Variants in RGS7BP observed in about 807,000 individuals in gnomAD.
RGS7BP encodes regulator of G protein signaling 7-binding protein.
RGS7BP carries 9 observed loss-of-function variants against 31.3 expected under a neutral mutation model. The ratio of observed to expected loss-of-function variants is 0.29; its 90% CI spans 0.17 to 0.50. The LOEUF (loss-of-function observed/expected upper bound fraction) is 0.50, where lower values mean the gene tolerates loss of function less well. Ranked by LOEUF, RGS7BP falls within the 20% of genes least tolerant of loss-of-function variation. RGS7BP has a pLI of 0.98. For missense variants in RGS7BP, 274 were observed against 322.0 expected, an observed-to-expected ratio of 0.85 and a Z score of 1.14; for synonymous variants, 115 against 120.1, an observed-to-expected ratio of 0.96 and a Z score of 0.28.
intron 2 of RGS7BP, among the ~76,000 whole-genome samples, chr5:64,560,630 GA>G (rs1742031716): frequency 6.6e-6 from 1 of 151,706 alleles, no homozygotes; most frequent in African/African-American, 2.4e-5. Flanking sequence ...AGAAATGCAT[GA>G]TATACAAAAT....
Position 64,522,415 on chromosome 5 carries a change from A to G in RGS7BP, c.332+14538A>G, listed in dbSNP as rs540616915. ...ACCAGAACATGATTCAGCCCTCACT[A>G]AAGACTCTCTATATAGGGAAGAACA... On this transcript the variant is annotated intron_variant, in intron 2 of 5. Transcript: ENST00000334025. Among the ~76,000 whole-genome samples, 39 of 152,292 alleles carry G rather than the reference A, an allele frequency of 2.6e-4. No homozygotes were observed. The South Asian group carries it at 7.7e-3, about 30-fold the overall frequency.
At chr5:64,604,830 T>A (rs1040093941) in intron 5 of RGS7BP, among the ~76,000 whole-genome samples, 2 of 151,834 alleles carry the variant, frequency 1.3e-5, no homozygotes, top group Non-Finnish European at 2.9e-5. Context: ...AATAGAGAAG[T>A]GGTTTGGGGG....
At chr5:64,555,058 A>C (rs554301414) in intron 2 of RGS7BP, among the ~76,000 whole-genome samples, 3 of 152,264 alleles carry the variant, frequency 2.0e-5, no homozygotes, top group African/African-American at 4.8e-5. Context: ...GAATGAGAAG[A>C]TCCAACATAT....
In RGS7BP at chr5:64,585,423, A is replaced by C. The variant is rs1580455544; in HGVS notation, c.464-9287A>C. 2.0e-5 allele frequency among the ~76,000 whole-genome samples: 3 copies of C among 152,148 alleles called. No homozygotes were observed. The South Asian group carries it at 6.2e-4, about 32-fold the overall frequency. ...CACTGGCAAGCTGAAGACAGGCAGG[A>C]AAGCAAGAAGGAATGGAAGGGGCAA... On this transcript the variant is annotated intron_variant, in intron 3 of 5. Transcript: ENST00000334025.
intron 2 of RGS7BP, among the ~76,000 whole-genome samples, chr5:64,526,128 C>T (rs1039633390): frequency 2.0e-5 from 3 of 152,132 alleles, no homozygotes; most frequent in Admixed American, 6.5e-5. Context: ...GCCAGAGAGA[C>T]GAGAGCCAGA....
chr5:64,538,523 C>CTTTTTTT (rs1164822329), intron 2 of RGS7BP, among the ~76,000 whole-genome samples: 3 of 27,478 alleles, frequency 1.1e-4, no homozygotes, highest in African/African-American at 1.8e-4. Flanking sequence ...TTTTCCTTTT[C>CTTTTTTT]TTTTCTTTTT....
chr5:64,545,737 C>A (rs1741643814), intron 2 of RGS7BP, among the ~76,000 whole-genome samples: 1 of 152,086 alleles, frequency 6.6e-6, no homozygotes, highest in African/African-American at 2.4e-5. Context: ...CATTAAATTC[C>A]AGCTTGGTCA....
At chr5:64,523,761 C>T (rs957631813) in intron 2 of RGS7BP, among the ~76,000 whole-genome samples, 34 of 152,164 alleles carry the variant, frequency 2.2e-4, no homozygotes, top group African/African-American at 7.7e-4. Context: ...GCCTTAGGAA[C>T]ATGTTACACC....
At chr5:64,581,555 T>C (rs1742597923) in intron 3 of RGS7BP, among the ~76,000 whole-genome samples, 1 of 152,250 alleles carries the variant, frequency 6.6e-6, no homozygotes, top group South Asian at 2.1e-4. Context: ...GTTTACTCTT[T>C]GGAGAGAAGG....
At chr5:64,530,892 T>C (rs981196986) in intron 2 of RGS7BP, among the ~76,000 whole-genome samples, 140 of 151,512 alleles carry the variant, frequency 9.2e-4, no homozygotes, top group African/African-American at 3.3e-3. Context: ...AGAAAAGGGG[T>C]TGGAAAATGG....
At chr5:64,573,383 T>C (rs144770687) in intron 2 of RGS7BP, among the ~76,000 whole-genome samples, 8 of 152,284 alleles carry the variant, frequency 5.3e-5, no homozygotes, top group African/African-American at 1.9e-4. Flanking sequence ...ATGTCATCCA[T>C]ATATGAAGTT....
At chr5:64,597,983 G>A (rs1743119708) in intron 4 of RGS7BP, among the ~76,000 whole-genome samples, 1 of 152,160 alleles carries the variant, frequency 6.6e-6, no homozygotes, top group Non-Finnish European at 1.5e-5. Context: ...CCATCACCCA[G>A]CCTCAAGTTT....
chr5:64,552,131 C>T (rs1741809057), intron 2 of RGS7BP, among the ~76,000 whole-genome samples: 1 of 152,040 alleles, frequency 6.6e-6, no homozygotes, highest in African/African-American at 2.4e-5. Flanking sequence ...AAAGTGTATT[C>T]AACACTCAAT....
chr5:64,574,401 GA>G (rs1362059657), intron 2 of RGS7BP, among the ~76,000 whole-genome samples: 2 of 151,962 alleles, frequency 1.3e-5, no homozygotes, highest in South Asian at 2.1e-4. Context: ...AGGATGCTCT[GA>G]AAAAAACCCC....
At position 64,611,301 on chromosome 5, in the gene RGS7BP, T is replaced by C. The variant is rs1402272755; in HGVS notation, c.*2049T>C. 6.6e-6 allele frequency: 1 copy of C among 152,368 alleles called. No homozygotes were observed. 9.4% of individuals were successfully genotyped at this position (152,368 alleles called of 1,614,324 possible). A position where few individuals can be genotyped will look rare whatever the true frequency, so the allele number is the denominator to read the frequency against. ...TCTGCCCTCTCCTATACTTCAACTA[T>C]ATTGAACTCTAGCTTCAATCTAGTT... On this transcript the variant is annotated 3_prime_UTR_variant, in exon 6 of 6. Coordinates refer to ENST00000334025, the MANE Select transcript of RGS7BP (RefSeq NM_001029875.3).
At chr5:64,590,361 A>C (rs1355773304) in intron 3 of RGS7BP, among the ~76,000 whole-genome samples, 1 of 151,470 alleles carries the variant, frequency 6.6e-6, no homozygotes, top group Non-Finnish European at 1.5e-5. Flanking sequence ...ACTGAATTCA[A>C]AAAAGAAGAA....
intron 2 of RGS7BP, chr5:64,573,652 T>G (rs1742352179): frequency 6.6e-6 from 1 of 151,238 alleles, no homozygotes; most frequent in African/African-American, 2.4e-5. Context: ...TGCAAATTTG[T>G]GAAGCATTAT....
intron 2 of RGS7BP, among the ~76,000 whole-genome samples, chr5:64,543,123 G>A (rs1472398284): frequency 6.6e-6 from 1 of 152,192 alleles, no homozygotes; most frequent in African/African-American, 2.4e-5. Flanking sequence ...AAATGGTGGA[G>A]TAATCACTCT....
At chr5:64,540,888 G>A (rs1480598431) in intron 2 of RGS7BP, among the ~76,000 whole-genome samples, 1 of 152,204 alleles carries the variant, frequency 6.6e-6, no homozygotes, top group Non-Finnish European at 1.5e-5. Context: ...AAGATGACCT[G>A]CTAGAGGAGT....
Sources: gnomAD v4.1 joint callset for allele counts (sites outside exome capture counted in the v4.1 genomes callset) on GRCh38, gnomAD v4.1.1 for gene constraint, MANE v1.5 for transcripts, NCBI Gene and HGNC (gene_info 2026-07-23, HGNC 2026-07-21) for gene names.